The following CRYBG3 variants were observed in gnomAD, a reference collection of about 807,000 sequenced individuals.
The protein encoded by CRYBG3 is crystallin beta-gamma domain containing 3.
CRYBG3 carries 127 observed loss-of-function variants against 244.2 expected under a neutral mutation model. The ratio of observed to expected loss-of-function variants is 0.52; its 90% CI spans 0.45 to 0.60. The LOEUF (loss-of-function observed/expected upper bound fraction) is 0.60, where lower values mean the gene tolerates loss of function less well. Ranked by LOEUF, CRYBG3 falls within the 20% of genes least tolerant of loss-of-function variation. CRYBG3 has a pLI of 0.00. For synonymous variants in CRYBG3, 1,132 were observed against 1,195.8 expected (o/e 0.95, Z 1.10); for missense variants, 3,325 against 3,442.5 (o/e 0.97, Z 0.85).
At chr3:97,856,795 TTTC>T (rs1279952794) in intron 2 of CRYBG3, among the ~76,000 whole-genome samples, 2 of 152,106 alleles carry the variant, frequency 1.3e-5, no homozygotes, top group Non-Finnish European at 2.9e-5. Flanking sequence ...ACTTGGGTCT[TTTC>T]TTTTTTCTTA....
rs143996375 is a variant in CRYBG3, at chr3:97,924,947, C to T, written c.8242-8747C>T. Among the ~76,000 whole-genome samples the T allele has an allele frequency of 7.4e-4, 113 of 152,096 alleles. 1 individual carries two copies. In the East Asian group the frequency reaches 0.02, roughly 27 times the overall value. On this transcript the variant is annotated intron_variant, in intron 17 of 21. Coordinates refer to ENST00000389622, the MANE Select transcript of CRYBG3 (RefSeq NM_153605.4). ...AATTATTCAGACTGCCACAGCAAGCCACAGAATATATTTGCAGTCCATATA... is the reference window on the plus strand; with the variant it reads ...AATTATTCAGACTGCCACAGCAAGCTACAGAATATATTTGCAGTCCATATA...
At chr3:97,888,547 C>A in intron 9 of CRYBG3, 92 bp downstream of exon 9, 1 of 810,506 alleles carries the variant, frequency 1.2e-6, no homozygotes. Flanking sequence ...ATCTCAATCT[C>A]AAGTGAATAT....
chr3:97,942,426 T>C lies in CRYBG3; in HGVS notation c.8807T>C (p.Leu2936Pro). The C allele has an allele frequency of 6.2e-7, 1 of 1,610,648 alleles. No individual in the cohort carries two copies. The highest frequency in any genetic ancestry group is 2.2e-5 in the East Asian group (1 of 44,810). Residue 2936 changes from leucine (L) to proline (P), a missense_variant, in exon 21 of 22, where the codon CTT (leucine) becomes CCT (proline). By Grantham distance (98) the Leu-to-Pro change is moderately conservative. This residue lies in a region of CRYBG3 where 714 missense variants were observed against 803.6 expected (regional missense o/e 0.89). Coordinates refer to ENST00000389622, the MANE Select transcript of CRYBG3 (RefSeq NM_153605.4). ...GTISSYLSDQ[L>P]VLDVKGGNYC... The stretch of plus-strand genomic sequence containing the variant: ...ATCAGCTCTTATCTCAGTGATCAAC[T>C]TGTCCTTGATGTTAAAGGTGGGCCT...
chr3:97,887,076 A>C (rs2039516847), intron 8 of CRYBG3, among the ~76,000 whole-genome samples: 1 of 152,160 alleles, frequency 6.6e-6, no homozygotes, highest in South Asian at 2.1e-4. Flanking sequence ...CTATTTCTAG[A>C]GTGTCTAAGT....
In CRYBG3 at chr3:97,855,868, G is replaced by A. The variant is rs945776844; in HGVS notation, c.217-8349G>A. 1.1e-4 allele frequency among the ~76,000 whole-genome samples: 17 copies of A among 152,250 alleles called. No homozygotes were observed. The East Asian group carries it at 3.1e-3, about 28-fold the overall frequency. On this transcript the variant is annotated intron_variant, in intron 2 of 21. Coordinates refer to ENST00000389622, the MANE Select transcript of CRYBG3 (RefSeq NM_153605.4). ...GAGTATCACAAGGCAAGTGGAGGCA[G>A]AGCGAGATCACAGGACCACAAGACT... is the stretch of plus-strand genomic sequence containing the variant.
Position 97,876,185 on chromosome 3 carries a change from C to A in CRYBG3, c.4991C>A (p.Thr1664Lys). The A allele has an allele frequency of 8.1e-7, 1 of 1,231,506 alleles. No homozygotes were observed. The highest frequency in any genetic ancestry group is 1.0e-6 in the Non-Finnish European group (1 of 987,844). 76.3% of individuals were successfully genotyped at this position (1,231,506 alleles called of 1,614,324 possible). ...DIVKTEMTPV[T>K]VDMENIYQTH... Reference sequence around the variant, plus strand: ...GTAAAGACTGAGATGACACCTGTTACAGTAGACATGGAAAATATTTACCAA... The same window carrying A: ...GTAAAGACTGAGATGACACCTGTTAAAGTAGACATGGAAAATATTTACCAA... Residue 1664 changes from threonine (T) to lysine (K), a missense_variant, in exon 4 of 22, where the codon ACA (threonine) becomes AAA (lysine). Physicochemically the swap from Thr to Lys is moderately conservative, Grantham distance 78. This residue lies in a region of CRYBG3 where 635 missense variants were observed against 771.7 expected (regional missense o/e 0.82). Transcript: ENST00000389622.
At chr3:97,826,302 T>C (rs930395030) in intron 1 of CRYBG3, among the ~76,000 whole-genome samples, 3 of 152,200 alleles carry the variant, frequency 2.0e-5, no homozygotes, top group South Asian at 4.1e-4. Flanking sequence ...ATGGACTCAA[T>C]TGTATGCTCT....
rs2039334219 is a variant in CRYBG3 at position 97,873,752 on chromosome 3, A to G, written c.2558A>G (p.Gln853Arg). 5.2e-6 allele frequency: 8 copies of G among 1,535,396 alleles called. No homozygotes were observed. In the Admixed American group the frequency reaches 1.4e-4, roughly 26 times the overall value. Residue 853 changes from glutamine (Q) to arginine (R), a missense_variant, in exon 4 of 22, where the codon CAG becomes CGG. By Grantham distance (43) the Gln-to-Arg change is conservative (BLOSUM62 1). Transcript: ENST00000389622. ...AAAGTGGAGCCCAGAAACATTTCTC[A>G]GGATAAAATGTCTTCTTTTCCATTG... ...LSKVEPRNIS[Q>R]DKMSSFPLKI...
chr3:97,916,877 G>C (rs901978199), intron 17 of CRYBG3, among the ~76,000 whole-genome samples: 1 of 152,030 alleles, frequency 6.6e-6, no homozygotes, highest in Non-Finnish European at 1.5e-5. Flanking sequence ...TCTGTTGGAG[G>C]AAAAATGGTT....
At chr3:97,909,502 C>G (rs1224821928) in intron 15 of CRYBG3, among the ~76,000 whole-genome samples, 12 of 151,576 alleles carry the variant, frequency 7.9e-5, no homozygotes, top group African/African-American at 2.9e-4. Context: ...TTCATTTCAT[C>G]TTCCATCGCT....
rs372677956 is a variant in CRYBG3, at chr3:97,899,250, G to A, written c.7958G>A (p.Arg2653Gln). 84 of 1,612,078 alleles carry A rather than the reference G, an allele frequency of 5.2e-5. No individual in the cohort carries two copies. Among genetic ancestry groups the A allele is most frequent in the Middle Eastern group, 4.9e-4 (3 of 6,074 alleles). ...GGSNNIIMSI[R>Q]PIQLEPLGIN... ...TCAAATAATATAATCATGTCGATAC[G>A]GCCAATCCAACTGGTGAGTGAAGTA... The change falls in exon 14 of 22, where the codon CGG (arginine) becomes CAG (glutamine). Residue 2653 changes from arginine (R) to glutamine (Q), a missense_variant. By Grantham distance (43) the Arg-to-Gln change is conservative. This residue lies in a region of CRYBG3 where 714 missense variants were observed against 803.6 expected (regional missense o/e 0.89). Transcript: ENST00000389622.
chr3:97,846,419 G>A (rs1025921154), intron 2 of CRYBG3, among the ~76,000 whole-genome samples: 2 of 152,116 alleles, frequency 1.3e-5, no homozygotes, highest in African/African-American at 2.4e-5. Context: ...GTGTCTTTAC[G>A]TGACATCCAT....
intron 11 of CRYBG3, among the ~76,000 whole-genome samples, chr3:97,894,548 T>C (rs1379816708): frequency 6.6e-6 from 1 of 152,200 alleles, no homozygotes; most frequent in Non-Finnish European, 1.5e-5. Context: ...TCTCAGATAA[T>C]ACCTATCTTT....
At chr3:97,831,590 TG>T (rs1286199498) in intron 1 of CRYBG3, among the ~76,000 whole-genome samples, 1 of 152,146 alleles carries the variant, frequency 6.6e-6, no homozygotes, top group Non-Finnish European at 1.5e-5. Flanking sequence ...ACATAATTAT[TG>T]TACTGTTTAT....
chr3:97,825,941 C>T (rs1476330040), intron 1 of CRYBG3, among the ~76,000 whole-genome samples: 1 of 152,174 alleles, frequency 6.6e-6, no homozygotes, highest in East Asian at 1.9e-4. Context: ...TCTAAATTGT[C>T]ATGATGATTG....
rs890028976 is a variant in CRYBG3, at chr3:97,876,472, T to A, written c.5278T>A (p.Leu1760Ile). The A allele has an allele frequency of 8.4e-5, 104 of 1,231,914 alleles. No homozygotes were observed. The African/African-American group carries it at 1.4e-3, about 16-fold the overall frequency. 76.3% of individuals were successfully genotyped at this position (1,231,914 alleles called of 1,614,324 possible). ...GGKTEVMPLA[L>I]EVVNTYQKNA... ...CAAAACTGAGGTGATGCCCCTTGCATTAGAGGTAGTAAATACTTACCAAAA... is the reference window on the plus strand; with the variant it reads ...CAAAACTGAGGTGATGCCCCTTGCAATAGAGGTAGTAAATACTTACCAAAA... The change falls in exon 4 of 22, where the codon TTA (leucine) becomes ATA (isoleucine). Residue 1760 changes from leucine to isoleucine, a missense_variant. Leu to Ile is a conservative substitution (Grantham distance 5). Transcript: ENST00000389622.
At chr3:97,894,345 C>CT (rs1441889278) in intron 11 of CRYBG3, among the ~76,000 whole-genome samples, 1 of 148,454 alleles carries the variant, frequency 6.7e-6, no homozygotes, top group Non-Finnish European at 1.5e-5. Context: ...AGGATACAAA[C>CT]TTTCATTTGT....
At chr3:97,924,446 T>C (rs2040017471) in intron 17 of CRYBG3, 1 of 445,052 alleles carries the variant, frequency 2.2e-6, no homozygotes, top group Non-Finnish European at 4.5e-6. Flanking sequence ...CTATTGCTGA[T>C]GTAACAAATT....
rs979233518 is a variant in CRYBG3 at position 97,873,730 on chromosome 3, G to A, written c.2536G>A (p.Val846Met). ...CTTGTCCAAGGTATCTCTTTCAAAA[G>A]TGGAGCCCAGAAACATTTCTCAGGA... ...ISLSKVSLSK[V>M]EPRNISQDKM... Residue 846 changes from valine (V) to methionine (M), a missense_variant, in exon 4 of 22, where the codon GTG becomes ATG. Transcript: ENST00000389622. The A allele has an allele frequency of 6.5e-7, 1 of 1,535,890 alleles. No homozygotes were observed. The highest frequency in any genetic ancestry group is 8.7e-7 in the Non-Finnish European group (1 of 1,146,796).
Sources: gnomAD v4.1 joint callset for allele counts (sites outside exome capture counted in the v4.1 genomes callset) on GRCh38, gnomAD v4.1.1 for gene constraint, gnomAD v4.1.1 regional missense constraint, MANE v1.5 for transcripts, NCBI Gene and HGNC (gene_info 2026-07-23, HGNC 2026-07-21) for gene names.